Variants in IL16 observed in about 807,000 individuals in gnomAD.
IL16 encodes interleukin 16.
IL16 carries 67 observed loss-of-function variants against 110.1 expected under a neutral mutation model. The ratio of observed to expected loss-of-function variants is 0.61; its 90% confidence interval spans 0.50 to 0.75. IL16 has a LOEUF of 0.75. Among genes scored for constraint, IL16 ranks in the 30% least tolerant of loss-of-function variants. The probability of loss-of-function intolerance (pLI) is 0.00; values close to 1 mark genes in which losing one functional copy is unlikely to be tolerated. For missense variants in IL16, 1,545 were observed against 1,655.0 expected, an observed-to-expected ratio of 0.93 and a Z score of 1.15; for synonymous variants, 689 against 662.9, an observed-to-expected ratio of 1.04 and a Z score of -0.61.
intron 2 of IL16, among the ~76,000 whole-genome samples, chr15:81,234,657 T>C (rs1270749475): frequency 1.3e-5 from 2 of 152,200 alleles, no homozygotes; most frequent in Non-Finnish European, 2.9e-5. Context: ...AATTTAAATG[T>C]TTACATTTTC....
chr15:81,274,929 CAG>C (rs138798167), intron 6 of IL16, among the ~76,000 whole-genome samples: 4,142 of 152,136 alleles, frequency 0.027, 186 homozygotes, highest in African/African-American at 0.095. Context: ...CTTCAGGAAG[CAG>C]AGTGTAGGAT....
chr15:81,290,155 C>G (rs554712538), intron 10 of IL16: 273 of 444,498 alleles, frequency 6.1e-4, no homozygotes, highest in African/African-American at 5.0e-3. Flanking sequence ...TAGAGATAAC[C>G]TATGAAGTGG....
chr15:81,201,934 C>A (rs1895832569), intron 1 of IL16, among the ~76,000 whole-genome samples: 1 of 152,178 alleles, frequency 6.6e-6, no homozygotes, highest in South Asian at 2.1e-4. Context: ...TCTTGATGAT[C>A]ACTTACAATA....
intron 2 of IL16, among the ~76,000 whole-genome samples, chr15:81,238,763 T>C (rs556435491): frequency 6.6e-6 from 1 of 152,136 alleles, no homozygotes; most frequent in South Asian, 2.1e-4. Context: ...TCATTTTCTT[T>C]GTATTTGAAG....
intron 1 of IL16, among the ~76,000 whole-genome samples, chr15:81,188,658 C>T (rs1895452219): frequency 6.6e-6 from 1 of 152,102 alleles, no homozygotes; most frequent in Admixed American, 6.5e-5. Flanking sequence ...AGGTTAGATC[C>T]ATGTGTTGAT....
chr15:81,232,840 G>A (rs927236273), intron 2 of IL16, among the ~76,000 whole-genome samples: 3 of 152,102 alleles, frequency 2.0e-5, no homozygotes, highest in Non-Finnish European at 4.4e-5. Flanking sequence ...TAATGTTTTG[G>A]TCTGGTTTTC....
chr15:81,311,342 C>T lies in IL16; in HGVS notation c.*2544C>T, dbSNP rs1308571761. On this transcript the variant is annotated 3_prime_UTR_variant, in exon 19 of 19. Transcript: ENST00000683961. Reference sequence around the variant, plus strand: ...GCCAACACTCAAGAAGCAGGCTACACTGACACTGGTATTCCTGCCTCCATA... The same window carrying T: ...GCCAACACTCAAGAAGCAGGCTACATTGACACTGGTATTCCTGCCTCCATA... 6.6e-6 allele frequency: 1 copy of T among 152,266 alleles called. No homozygotes were observed. Among genetic ancestry groups the T allele is most frequent in the South Asian group, 2.1e-4 (1 of 4,836 alleles). The allele number at this position is 152,266 out of a possible 1,614,324, so 9.4% of individuals were successfully genotyped here. A position where few individuals can be genotyped will look rare whatever the true frequency, so the allele number is the denominator to read the frequency against.
upstream of IL16, among the ~76,000 whole-genome samples, chr15:81,193,588 G>C (rs1362528734): frequency 6.6e-6 from 1 of 152,154 alleles, no homozygotes; most frequent in African/African-American, 2.4e-5. Context: ...AGAGAGGGCA[G>C]CATGGTCTAC....
chr15:81,279,048 T>C (rs549972883), intron 7 of IL16, among the ~76,000 whole-genome samples, 158 bp downstream of exon 7: 3 of 152,224 alleles, frequency 2.0e-5, no homozygotes, highest in Non-Finnish European at 4.4e-5. Flanking sequence ...AAGACCTGAC[T>C]CAGAAAATAA....
At position 81,299,419 on chromosome 15, in the gene IL16, G is replaced by A. The variant is rs765763327; in HGVS notation, c.2093G>A (p.Arg698Lys). 1 of 1,614,040 alleles carries A rather than the reference G, an allele frequency of 6.2e-7. No homozygotes were observed. Among genetic ancestry groups the A allele is most frequent in the East Asian group, 2.2e-5 (1 of 44,876 alleles). ...CCGATAAAACACCCACTGCTTAAGA[G>A]GCAGGCTCGGATGGACTATAGCTTT... ...TSPIKHPLLK[R>K]QARMDYSFDT... is the part of the protein sequence containing the mutation. The change falls in exon 14 of 19, where the codon AGG becomes AAG. Residue 698 changes from arginine to lysine, a missense_variant. Physicochemically the swap from Arg to Lys is conservative, Grantham distance 26 (BLOSUM62 2). Coordinates refer to ENST00000683961, the MANE Select transcript of IL16 (RefSeq NM_172217.5).
chr15:81,202,314 C>G (rs1363107526), intron 1 of IL16, among the ~76,000 whole-genome samples: 6 of 152,152 alleles, frequency 3.9e-5, no homozygotes, highest in African/African-American at 7.2e-5. Flanking sequence ...GTGGAAGAAC[C>G]TGTTCTCAGA....
chr15:81,288,014 A>C (rs556307038), intron 10 of IL16, among the ~76,000 whole-genome samples: 5 of 152,360 alleles, frequency 3.3e-5, no homozygotes, highest in Admixed American at 6.5e-5. Flanking sequence ...CCTGGGCTTA[A>C]GGAATGTGCA....
intron 1 of IL16, among the ~76,000 whole-genome samples, chr15:81,188,197 A>C (rs749494677): frequency 2.0e-5 from 3 of 152,210 alleles, no homozygotes; most frequent in Non-Finnish European, 2.9e-5. Context: ...TAGCAAGATG[A>C]ATACAAAAAC....
At chr15:81,280,052 A>G (rs925480767) in intron 8 of IL16, among the ~76,000 whole-genome samples, 10 of 152,236 alleles carry the variant, frequency 6.6e-5, no homozygotes, top group Admixed American at 5.2e-4. Flanking sequence ...AGAGAGAGAG[A>G]AACAATGGGC....
chr15:81,260,415 A>G (rs1313789925), intron 3 of IL16, among the ~76,000 whole-genome samples: 1 of 152,218 alleles, frequency 6.6e-6, no homozygotes, highest in Non-Finnish European at 1.5e-5. Flanking sequence ...ATTTATTTAT[A>G]TATAACTATT....
At chr15:81,273,265 C>T (rs994544006) in intron 6 of IL16, 61 bp downstream of exon 6, 2 of 1,249,338 alleles carry the variant, frequency 1.6e-6, no homozygotes, top group African/African-American at 1.5e-5. Flanking sequence ...TCCAGAATTG[C>T]TGGGGCCATA....
chr15:81,296,104 G>C (rs895018167), intron 12 of IL16, among the ~76,000 whole-genome samples: 10 of 152,122 alleles, frequency 6.6e-5, no homozygotes, highest in African/African-American at 2.4e-5. Context: ...CTATTTTTCT[G>C]CCTCTCTGCC....
chr15:81,244,002 T>A (rs988805761), intron 2 of IL16, among the ~76,000 whole-genome samples: 3 of 152,196 alleles, frequency 2.0e-5, no homozygotes, highest in African/African-American at 7.2e-5. Flanking sequence ...CTATAAAAAA[T>A]CTTGTATAGC....
intron 5 of IL16, among the ~76,000 whole-genome samples, chr15:81,270,946 A>T (rs1898605387): frequency 6.6e-6 from 1 of 152,182 alleles, no homozygotes; most frequent in Admixed American, 6.5e-5. Flanking sequence ...CTCGTCACTA[A>T]CAGGATGACA....
Sources: gnomAD v4.1 joint callset for allele counts (sites outside exome capture counted in the v4.1 genomes callset) on GRCh38, gnomAD v4.1.1 for gene constraint, MANE v1.5 for transcripts, NCBI Gene and HGNC (gene_info 2026-07-23, HGNC 2026-07-21) for gene names.